Variants in CTTN observed in about 807,000 individuals in gnomAD.
The protein encoded by CTTN is src substrate cortactin.
A neutral mutation model predicts 84.0 loss-of-function variants in CTTN; 28 were observed. That is an observed-to-expected ratio of 0.33 (90% CI 0.25 to 0.46). The LOEUF is 0.46. Ranked by LOEUF, CTTN falls within the 20% of genes least tolerant of loss-of-function variation. The pLI is 1.00. For synonymous variants in CTTN, 301 were observed against 288.8 expected (o/e 1.04, Z -0.43); for missense variants, 641 against 723.8 (o/e 0.89, Z 1.31).
chr11:70,407,394 G>T lies in CTTN; in HGVS notation c.87+10G>T, dbSNP rs186026126. 3 of 1,608,352 alleles carry T rather than the reference G, an allele frequency of 1.9e-6. No homozygotes were observed. The Admixed American group carries it at 5.1e-5, about 27-fold the overall frequency. On this transcript the variant is annotated intron_variant, in intron 3 of 17. Coordinates refer to ENST00000301843, the MANE Select transcript of CTTN (RefSeq NM_005231.4). ...CGACCCTGATTTTGTGGTAGGAGCC[G>T]CCAGCCTTTGCTTTCCTCTTTCATG...
At chr11:70,409,810 A>G (rs373355234) in intron 4 of CTTN, 21 bp from the exon 5 acceptor site, 4 of 1,613,456 alleles carry the variant, frequency 2.5e-6, no homozygotes, top group East Asian at 4.5e-5. Flanking sequence ...ATCTGTTCCT[A>G]TTTTCATCTC....
chr11:70,411,540 G>A (rs909624529), intron 5 of CTTN, among the ~76,000 whole-genome samples: 2 of 152,352 alleles, frequency 1.3e-5, no homozygotes, highest in Admixed American at 1.3e-4. Flanking sequence ...TAGGGGGCTT[G>A]TGGGGAGTTA....
chr11:70,400,691 G>A (rs2057968309), intron 1 of CTTN, among the ~76,000 whole-genome samples: 1 of 152,240 alleles, frequency 6.6e-6, no homozygotes, highest in Non-Finnish European at 1.5e-5. Context: ...CACGCAGTAG[G>A]TGCTCAGAAA....
In CTTN at chr11:70,431,254, A is replaced by T. The variant is rs774282891; in HGVS notation, c.1240A>T (p.Arg414Trp). Reference sequence around the variant, plus strand: ...GCCCGCACCTCAGCCAACCGAGGAGAGGCTGCCCTCGAGCCCCGTCTATGA... The same window carrying T: ...GCCCGCACCTCAGCCAACCGAGGAGTGGCTGCCCTCGAGCCCCGTCTATGA... Reference protein sequence around the residue: ...VSPAPQPTEERLPSSPVYEDA... With the variant: ...VSPAPQPTEEWLPSSPVYEDA... The change falls in exon 15 of 18, where the codon AGG becomes TGG. Residue 414 changes from arginine (R) to tryptophan (W), a missense_variant. Around this residue, in one of 3 missense-constraint regions of CTTN, gnomAD observed 289 missense variants for 273.1 expected, o/e 1.06. Transcript: ENST00000301843. 6.2e-7 allele frequency: 1 copy of T among 1,614,032 alleles called. No individual in the cohort carries two copies. The highest frequency in any genetic ancestry group is 1.1e-5 in the South Asian group (1 of 91,072).
intron 17 of CTTN, 73 bp from the exon 18 acceptor site, chr11:70,434,953 G>C (rs1394222576): frequency 6.5e-7 from 1 of 1,544,854 alleles, no homozygotes; most frequent in Non-Finnish European, 8.9e-7. Context: ...AGCTTGCTCT[G>C]GGTTGTGCTT....
intron 10 of CTTN, among the ~76,000 whole-genome samples, chr11:70,420,816 C>T (rs1460129656): frequency 2.7e-5 from 4 of 149,814 alleles, no homozygotes; most frequent in Non-Finnish European, 5.9e-5. Flanking sequence ...AAGCCTGCAG[C>T]GGGGGGCTGG....
chr11:70,434,540 A>G (rs1591454378), intron 17 of CTTN, among the ~76,000 whole-genome samples: 1 of 152,284 alleles, frequency 6.6e-6, no homozygotes, highest in East Asian at 1.9e-4. Flanking sequence ...GCGTACACGC[A>G]TGTGGGTGTG....
chr11:70,419,861 C>T lies in CTTN; in HGVS notation c.679+5C>T. 6.2e-7 allele frequency: 1 copy of T among 1,608,682 alleles called. No individual in the cohort carries two copies. Among genetic ancestry groups the T allele is most frequent in the Non-Finnish European group, 8.5e-7 (1 of 1,176,446 alleles). On this transcript the variant is annotated splice_donor_5th_base_variant and intron_variant, in intron 9 of 17. Transcript: ENST00000301843. ...AGAAGCACGAGTCCCAGAAAGGTGT[C>T]TTCCGTTTTATCTTACCCTCCAGCC...
At chr11:70,403,315 A>AGCCTCCCAC (rs942952468) in intron 1 of CTTN, among the ~76,000 whole-genome samples, 3 of 150,310 alleles carry the variant, frequency 2.0e-5, no homozygotes, top group Non-Finnish European at 4.4e-5. Context: ...CAGCCTCCCA[A>AGCCTCCCAC]GTAGCTGGGA....
intron 13 of CTTN, among the ~76,000 whole-genome samples, 189 bp downstream of exon 13, chr11:70,425,590 C>T (rs181583327): frequency 2.0e-5 from 3 of 152,280 alleles, no homozygotes; most frequent in East Asian, 3.9e-4. Flanking sequence ...TTAGAGTCAC[C>T]TTTTAGACGC....
Position 70,415,718 on chromosome 11 carries a change from G to T in CTTN, c.457+1G>T. The T allele has an allele frequency of 6.2e-7, 1 of 1,614,154 alleles. No homozygotes were observed. The highest frequency in any genetic ancestry group is 8.5e-7 in the Non-Finnish European group (1 of 1,179,974). Reference sequence around the variant, plus strand: ...ACTGAGAAGCATGCCTCCCAGAAAGGTAAGACGCGAAAGGTGCAGAAAGAG... The same window carrying T: ...ACTGAGAAGCATGCCTCCCAGAAAGTTAAGACGCGAAAGGTGCAGAAAGAG... On this transcript the variant is annotated splice_donor_variant, in intron 7 of 17. Transcript: ENST00000301843. LOFTEE classifies it high-confidence loss of function.
At chr11:70,405,140 C>T (rs11825246) in intron 1 of CTTN, 125 bp from the exon 2 acceptor site, 1 of 152,194 alleles carries the variant, frequency 6.6e-6, no homozygotes. Context: ...GATTTCATTA[C>T]AAAACCTTGT....
chr11:70,433,409 C>A, intron 16 of CTTN, 131 bp downstream of exon 16: 1 of 994,612 alleles, frequency 1.0e-6, no homozygotes, highest in Non-Finnish European at 1.5e-6. Flanking sequence ...GCTATAGGGT[C>A]TTCTTGTCCC....
chr11:70,410,130 C>T (rs1300661220), intron 5 of CTTN, among the ~76,000 whole-genome samples, 170 bp downstream of exon 5: 1 of 152,180 alleles, frequency 6.6e-6, no homozygotes, highest in Non-Finnish European at 1.5e-5. Flanking sequence ...TCATGAAGTA[C>T]TCTAGCTTTC....
intron 16 of CTTN, 108 bp downstream of exon 16, chr11:70,433,386 C>A (rs2058378005): frequency 8.5e-7 from 1 of 1,181,322 alleles, no homozygotes; most frequent in Non-Finnish European, 1.2e-6. Context: ...CACTGACACG[C>A]CTTTGCTTGC....
chr11:70,422,866 G>C (rs1357035774), intron 11 of CTTN, 74 bp from the exon 12 acceptor site: 8 of 1,608,702 alleles, frequency 5.0e-6, no homozygotes, highest in South Asian at 1.1e-5. Context: ...TTCTGGATCT[G>C]TCTGCATGCA....
Position 70,431,278 on chromosome 11 carries a change from G to A in CTTN, c.1264G>A (p.Glu422Lys). The change falls in exon 15 of 18, where the codon GAG (glutamate) becomes AAG (lysine). Residue 422 changes from glutamate (E) to lysine (K), a missense_variant and splice_region_variant. By Grantham distance (56) the Glu-to-Lys change is moderately conservative. This residue lies in a region of CTTN where 289 missense variants were observed against 273.1 expected (regional missense o/e 1.06). Coordinates refer to ENST00000301843, the MANE Select transcript of CTTN (RefSeq NM_005231.4). The stretch of plus-strand genomic sequence containing the variant: ...GAGGCTGCCCTCGAGCCCCGTCTAT[G>A]AGGTTGGTGTCTTTGGTGTTTGAAT... The part of the protein sequence containing the change: ...EERLPSSPVY[E>K]DAASFKAELS... 1 of 1,614,150 alleles carries A rather than the reference G, an allele frequency of 6.2e-7. No homozygotes were observed. Among genetic ancestry groups the A allele is most frequent in the East Asian group, 2.2e-5 (1 of 44,868 alleles).
chr11:70,417,159 G>C (rs375532004), intron 8 of CTTN, 36 bp downstream of exon 8: 31 of 1,532,264 alleles, frequency 2.0e-5, no homozygotes, highest in Non-Finnish European at 2.7e-5. Flanking sequence ...TCACGCGTTT[G>C]CTCCAGAAAC....
intron 15 of CTTN, among the ~76,000 whole-genome samples, chr11:70,432,359 C>T (rs892630100): frequency 2.6e-5 from 4 of 152,194 alleles, no homozygotes; most frequent in Admixed American, 2.0e-4. Context: ...TCTCCCTGCC[C>T]GATTACTCTC....
Sources: gnomAD v4.1 joint callset for allele counts (sites outside exome capture counted in the v4.1 genomes callset) on GRCh38, gnomAD v4.1.1 for gene constraint, gnomAD v4.1.1 regional missense constraint, MANE v1.5 for transcripts, NCBI Gene and HGNC (gene_info 2026-07-23, HGNC 2026-07-21) for gene names.